Variants in ASH2L observed in about 807,000 individuals in gnomAD.
ASH2L encodes ASH2 like, histone lysine methyltransferase complex subunit.
Under a neutral mutation model 81.1 loss-of-function variants are expected in ASH2L, and 30 were observed. The ratio of observed to expected loss-of-function variants is 0.37; its 90% CI spans 0.28 to 0.50. ASH2L has a LOEUF of 0.50. Ranked by LOEUF, ASH2L falls within the 20% of genes least tolerant of loss-of-function variation. The probability of loss-of-function intolerance (pLI) is 0.95; values close to 1 mark genes in which losing one functional copy is unlikely to be tolerated. For synonymous variants in ASH2L, 273 were observed against 279.9 expected (o/e 0.98, Z 0.24); for missense variants, 559 against 792.1 (o/e 0.71, Z 3.53).
chr8:38,123,069 A>C (rs2720044), intron 10 of ASH2L, among the ~76,000 whole-genome samples: 17,488 of 141,100 alleles, frequency 0.12, 1,270 homozygotes, highest in East Asian at 0.25. Flanking sequence ...CACATAAAGT[A>C]GTTTCAGAAT....
At chr8:38,110,698 A>G in intron 4 of ASH2L, 41 bp from the exon 5 acceptor site, 1 of 1,473,666 alleles carries the variant, frequency 6.8e-7, no homozygotes, top group Non-Finnish European at 9.5e-7. Flanking sequence ...GTAGAGATGT[A>G]GTACTACAGA....
intron 10 of ASH2L, among the ~76,000 whole-genome samples, chr8:38,127,742 CAAAAAA>C (rs780876575): frequency 1.5e-5 from 1 of 67,976 alleles, no homozygotes; most frequent in Non-Finnish European, 3.0e-5. Context: ...GACTCTGTCT[CAAAAAA>C]AAAAAAAAAA....
At chr8:38,121,267 T>C in intron 10 of ASH2L, 118 bp downstream of exon 10, 3 of 813,706 alleles carry the variant, frequency 3.7e-6, no homozygotes, top group South Asian at 1.6e-5. Context: ...CACCCCCATC[T>C]CTGTCTAGAT....
At chr8:38,107,419 A>G (rs575781969) in intron 3 of ASH2L, among the ~76,000 whole-genome samples, 4 of 151,078 alleles carry the variant, frequency 2.6e-5, no homozygotes, top group South Asian at 2.1e-4. Context: ...GTTTGGAGAC[A>G]AAAAAAAATG....
At chr8:38,136,572 C>T (rs1408118940) in intron 14 of ASH2L, among the ~76,000 whole-genome samples, 3 of 151,472 alleles carry the variant, frequency 2.0e-5, no homozygotes, top group East Asian at 1.9e-4. Flanking sequence ...GTCAGGGGTT[C>T]GAGACCAGCC....
At chr8:38,129,084 T>C (rs1170548318) in intron 12 of ASH2L, 133 bp downstream of exon 12, 2 of 1,326,852 alleles carry the variant, frequency 1.5e-6, no homozygotes, top group Admixed American at 5.3e-5. Flanking sequence ...CTATGACATT[T>C]TCAGAATAAC....
At chr8:38,114,079 A>G (rs1810796822) in intron 5 of ASH2L, 113 bp from the exon 6 acceptor site, 1 of 651,926 alleles carries the variant, frequency 1.5e-6, no homozygotes, top group South Asian at 2.2e-5. Context: ...GGGAAAAACT[A>G]ACATGGATTT....
At position 38,128,972 on chromosome 8, in the gene ASH2L, C is replaced by T. The variant is rs772358284; in HGVS notation, c.1527+21C>T. 1.9e-6 allele frequency: 3 copies of T among 1,602,872 alleles called. No homozygotes were observed. The South Asian group carries it at 3.4e-5, about 18-fold the overall frequency. On this transcript the variant is annotated intron_variant, in intron 12 of 15. Coordinates refer to ENST00000343823, the MANE Select transcript of ASH2L (RefSeq NM_004674.5). ...ATAAGGTGAGTTTGTCCTCTCCCGG[C>T]AGATTCCTGGCTTTGAAGGCCTGTG...
chr8:38,112,987 G>C (rs1038930962), intron 5 of ASH2L, among the ~76,000 whole-genome samples: 3 of 149,432 alleles, frequency 2.0e-5, no homozygotes, highest in Admixed American at 6.7e-5. Flanking sequence ...TTTTAATTGA[G>C]ATGGAGTCTG....
chr8:38,128,509 A>G (rs746435584), intron 11 of ASH2L, 51 bp downstream of exon 11: 1 of 1,591,100 alleles, frequency 6.3e-7, no homozygotes, highest in East Asian at 2.2e-5. Flanking sequence ...AGGATAGACC[A>G]TCTGGCCAAG....
At chr8:38,118,598 G>T (rs1321862481) in intron 8 of ASH2L, among the ~76,000 whole-genome samples, 3 of 152,222 alleles carry the variant, frequency 2.0e-5, no homozygotes, top group African/African-American at 4.8e-5. Context: ...TTTGACGAAT[G>T]GGTATGGAAC....
intron 10 of ASH2L, among the ~76,000 whole-genome samples, chr8:38,127,528 C>T (rs913975891): frequency 6.6e-6 from 1 of 151,884 alleles, no homozygotes; most frequent in African/African-American, 2.4e-5. Context: ...AGGTGGATCA[C>T]CTGAGGTCAG....
At chr8:38,125,394 G>A (rs890694958) in intron 10 of ASH2L, among the ~76,000 whole-genome samples, 14 of 152,148 alleles carry the variant, frequency 9.2e-5, no homozygotes, top group Non-Finnish European at 1.8e-4. Flanking sequence ...GCTGAGGCGG[G>A]TGGATCACCT....
intron 13 of ASH2L, among the ~76,000 whole-genome samples, chr8:38,133,924 T>C (rs917993834): frequency 1.3e-4 from 20 of 152,174 alleles, no homozygotes; most frequent in Admixed American, 3.9e-4. Flanking sequence ...AGATTGTTGC[T>C]GTGTCTGTGT....
intron 3 of ASH2L, among the ~76,000 whole-genome samples, chr8:38,109,243 G>A (rs1476023004): frequency 6.6e-6 from 1 of 152,132 alleles, no homozygotes; most frequent in Non-Finnish European, 1.5e-5. Flanking sequence ...ATGAGGTTTT[G>A]TCTTTGTAAA....
chr8:38,120,354 T>A (rs896727733), intron 9 of ASH2L, among the ~76,000 whole-genome samples: 2 of 152,130 alleles, frequency 1.3e-5, no homozygotes, highest in Non-Finnish European at 2.9e-5. Context: ...TGCTTCTCCC[T>A]TCTCATGCCT....
At chr8:38,136,806 C>G (rs890632350) in intron 14 of ASH2L, among the ~76,000 whole-genome samples, 1 of 148,168 alleles carries the variant, frequency 6.7e-6, no homozygotes, top group African/African-American at 2.5e-5. Flanking sequence ...GAAAAGAAAA[C>G]TTAGGCCAGT....
chr8:38,132,448 G>A (rs975243526), intron 12 of ASH2L, among the ~76,000 whole-genome samples: 14 of 152,184 alleles, frequency 9.2e-5, no homozygotes, highest in African/African-American at 3.4e-4. Flanking sequence ...CCACCTGTGG[G>A]AACAGATGGG....
intron 3 of ASH2L, among the ~76,000 whole-genome samples, chr8:38,109,233 A>T (rs757103562): frequency 2.6e-5 from 4 of 152,226 alleles, no homozygotes; most frequent in Non-Finnish European, 5.9e-5. Context: ...TATCTTTAGT[A>T]TGAGGTTTTG....
Sources: allele counts gnomAD v4.1 joint callset (sites outside exome capture counted in the v4.1 genomes callset), GRCh38; gene constraint gnomAD v4.1.1; transcripts MANE v1.5; gene names NCBI Gene and HGNC (gene_info 2026-07-23, HGNC 2026-07-21).